Variants in CEP112 observed in about 807,000 individuals in gnomAD.
The protein encoded by CEP112 is centrosomal protein of 112 kDa.
A neutral mutation model predicts 153.0 loss-of-function variants in CEP112; 127 were observed. That is an observed-to-expected ratio of 0.83 (90% CI 0.72 to 0.96). The LOEUF (loss-of-function observed/expected upper bound fraction) is 0.96, where lower values mean the gene tolerates loss of function less well. Among genes scored for constraint, CEP112 ranks in the 40% least tolerant of loss-of-function variants. CEP112 has a pLI of 0.00. For synonymous variants in CEP112, 358 were observed against 374.4 expected (o/e 0.96, Z 0.51); for missense variants, 1,089 against 1,101.2 (o/e 0.99, Z 0.16).
chr17:65,920,630 A>T (rs185852298), intron 19 of CEP112, among the ~76,000 whole-genome samples: 1 of 151,444 alleles, frequency 6.6e-6, no homozygotes, highest in East Asian at 2.0e-4. Flanking sequence ...CTCCCTTTAA[A>T]TATTCCCCTC....
intron 12 of CEP112, among the ~76,000 whole-genome samples, chr17:66,050,796 T>C (rs2066406524): frequency 6.6e-6 from 1 of 152,110 alleles, no homozygotes; most frequent in Non-Finnish European, 1.5e-5. Flanking sequence ...TCACTGCTGA[T>C]TTAGGGTTAT....
intron 22 of CEP112, among the ~76,000 whole-genome samples, chr17:65,749,760 A>ACATTAGATATGATTATCTTTTTGTTGTT (rs2051701869): frequency 6.7e-6 from 1 of 150,222 alleles, no homozygotes; most frequent in Non-Finnish European, 1.5e-5. Flanking sequence ...TGCCCCATGA[A>ACATTAGATATGATTATCTTTTTGTTGTT]CATTAGATAT....
chr17:66,031,455 A>G (rs1269972930), intron 12 of CEP112, among the ~76,000 whole-genome samples: 1 of 148,186 alleles, frequency 6.7e-6, no homozygotes, highest in Non-Finnish European at 1.5e-5. Context: ...TAACAACTGA[A>G]AAACCCAGTT....
At chr17:65,741,528 G>A (rs1054363851) in intron 23 of CEP112, among the ~76,000 whole-genome samples, 2 of 150,490 alleles carry the variant, frequency 1.3e-5, no homozygotes, top group African/African-American at 4.9e-5. Context: ...TAAAAATTAA[G>A]TAATTTAAAA....
chr17:65,971,104 T>C (rs569424421), intron 17 of CEP112, among the ~76,000 whole-genome samples: 33 of 152,336 alleles, frequency 2.2e-4, no homozygotes, highest in Admixed American at 1.6e-3. Context: ...ACATGGTACA[T>C]TGCATGTTCC....
chr17:66,117,016 G>A (rs2069330271), intron 6 of CEP112, among the ~76,000 whole-genome samples: 1 of 151,796 alleles, frequency 6.6e-6, no homozygotes, highest in African/African-American at 2.4e-5. Flanking sequence ...ACAAGCACAT[G>A]TCACCATGCC....
intron 25 of CEP112, among the ~76,000 whole-genome samples, chr17:65,639,493 T>C (rs371427979): frequency 2.0e-5 from 3 of 151,818 alleles, no homozygotes; most frequent in South Asian, 2.1e-4. Context: ...CTGGCCAAGA[T>C]AGCGAAACCC....
intron 21 of CEP112, among the ~76,000 whole-genome samples, chr17:65,812,133 A>T (rs2056004220): frequency 6.6e-6 from 1 of 151,850 alleles, no homozygotes; most frequent in African/African-American, 2.4e-5. Context: ...CCTCCTGAGT[A>T]GCTAGGACTA....
chr17:65,971,507 C>T (rs550024116), intron 17 of CEP112, among the ~76,000 whole-genome samples: 1 of 150,918 alleles, frequency 6.6e-6, no homozygotes, highest in Non-Finnish European at 1.5e-5. Flanking sequence ...ACATATCACA[C>T]ATGCACATTA....
chr17:66,135,368 A>G (rs1036921754), intron 4 of CEP112, among the ~76,000 whole-genome samples: 1 of 152,224 alleles, frequency 6.6e-6, no homozygotes, highest in African/African-American at 2.4e-5. Flanking sequence ...AAAGGCTGAA[A>G]TTCAGTGATG....
At chr17:66,019,287 A>G (rs2064898044) in intron 16 of CEP112, among the ~76,000 whole-genome samples, 1 of 122,342 alleles carries the variant, frequency 8.2e-6, no homozygotes, top group Non-Finnish European at 1.7e-5. Flanking sequence ...AAAGTTATTG[A>G]ATGTGCACAC....
intron 24 of CEP112, among the ~76,000 whole-genome samples, chr17:65,663,218 T>A (rs986059945): frequency 6.6e-6 from 1 of 152,240 alleles, no homozygotes; most frequent in African/African-American, 2.4e-5. Context: ...CAAGTCCCTG[T>A]ACTAAAGGTG....
At chr17:66,040,177 A>G (rs1382107165) in intron 12 of CEP112, among the ~76,000 whole-genome samples, 3 of 152,216 alleles carry the variant, frequency 2.0e-5, no homozygotes, top group African/African-American at 4.8e-5. Context: ...ACAGCAGTGT[A>G]TGAGACTTCA....
chr17:65,782,532 A>C (rs1331799641), intron 21 of CEP112, among the ~76,000 whole-genome samples: 1 of 152,198 alleles, frequency 6.6e-6, no homozygotes, highest in African/African-American at 2.4e-5. Context: ...AAAAAGACAC[A>C]TGTACATGAG....
chr17:65,774,086 C>CA (rs10647121), intron 21 of CEP112, among the ~76,000 whole-genome samples: 2,868 of 125,542 alleles, frequency 0.023, 73 homozygotes, highest in African/African-American at 0.044. Flanking sequence ...GGCTCCATCT[C>CA]AAAAAAAAAA....
chr17:65,702,888 G>A (rs1001256670), intron 23 of CEP112, among the ~76,000 whole-genome samples: 4 of 152,116 alleles, frequency 2.6e-5, no homozygotes, highest in African/African-American at 9.7e-5. Context: ...CACAAGAACA[G>A]AATGGGAAAA....
At chr17:65,751,046 AC>A (rs2051816568) in intron 21 of CEP112, 1 of 232,528 alleles carries the variant, frequency 4.3e-6, no homozygotes, top group African/African-American at 2.3e-5. Flanking sequence ...GAGAGAAGAA[AC>A]AAGAGGGGCA....
intron 24 of CEP112, among the ~76,000 whole-genome samples, chr17:65,658,868 T>C (rs1026695056): frequency 3.3e-5 from 5 of 151,588 alleles, no homozygotes; most frequent in Admixed American, 6.6e-5. Context: ...GAGCAAGCCT[T>C]TAGGTTTCAC....
At chr17:65,722,320 C>G (rs2144867813) in intron 23 of CEP112, among the ~76,000 whole-genome samples, 1 of 152,276 alleles carries the variant, frequency 6.6e-6, no homozygotes, top group Admixed American at 6.5e-5. Flanking sequence ...GTGATCTTGG[C>G]TCACTGCAAT....
Sources: gnomAD v4.1 joint callset for allele counts (sites outside exome capture counted in the v4.1 genomes callset) on GRCh38, gnomAD v4.1.1 for gene constraint, MANE v1.5 for transcripts, NCBI Gene and HGNC (gene_info 2026-07-23, HGNC 2026-07-21) for gene names.